Variants in DNMBP observed in about 807,000 individuals in gnomAD.
The protein encoded by DNMBP is dynamin-binding protein.
Under a neutral mutation model 150.0 loss-of-function variants are expected in DNMBP, and 87 were observed. The ratio of observed to expected loss-of-function variants is 0.58; its 90% CI spans 0.49 to 0.69. DNMBP has a LOEUF of 0.69. Among genes scored for constraint, DNMBP ranks in the 30% least tolerant of loss-of-function variants. The pLI is 0.00. For missense variants in DNMBP, 1,774 were observed against 1,949.0 expected, an observed-to-expected ratio of 0.91 and a Z score of 1.69; for synonymous variants, 711 against 750.4, an observed-to-expected ratio of 0.95 and a Z score of 0.86.
chr10:99,900,035 A>T lies in DNMBP; in HGVS notation c.2586T>A (p.Leu862=). 1 of 1,614,106 alleles carries T rather than the reference A, an allele frequency of 6.2e-7. No homozygotes were observed. The highest frequency in any genetic ancestry group is 1.6e-4 in the Middle Eastern group (1 of 6,062). The change falls in exon 7 of 17, where the codon CTT becomes CTA. Residue 862 remains leucine (L), a synonymous_variant. Coordinates refer to ENST00000324109, the MANE Select transcript of DNMBP (RefSeq NM_015221.4). Reference sequence around the variant, plus strand: ...GGCAGTAAATCTTGTATGTTCCCTCAAGCTCATCCCGGTGACCAAGAAACA... The same window carrying T: ...GGCAGTAAATCTTGTATGTTCCCTCTAGCTCATCCCGGTGACCAAGAAACA... The part of the protein sequence containing the change: ...GPVFLGHRDE[L]EGTYKIYCQN...
Position 99,903,104 on chromosome 10 carries a change from T to C in DNMBP, c.2555-3038A>G, listed in dbSNP as rs1211544478. The stretch of plus-strand genomic sequence containing the variant: ...TATGTGCTACCACACCTGGGCAATT[T>C]TTTTTTTTTTTTTTTTTGTAGAAAC... On this transcript the variant is annotated intron_variant, in intron 6 of 16. Coordinates refer to ENST00000324109, the MANE Select transcript of DNMBP (RefSeq NM_015221.4). Among the ~76,000 whole-genome samples the C allele has an allele frequency of 4.1e-5, 6 of 146,208 alleles. No individual in the cohort carries two copies. The East Asian group carries it at 1.0e-3, about 24-fold the overall frequency.
chr10:99,893,754 G>T (rs1004465585), intron 11 of DNMBP, among the ~76,000 whole-genome samples: 27 of 152,190 alleles, frequency 1.8e-4, no homozygotes, highest in Admixed American at 9.8e-4. Flanking sequence ...GCCTCTGTGT[G>T]TATGGCTACA....
chr10:99,965,395 C>A (rs562046586), intron 3 of DNMBP, among the ~76,000 whole-genome samples: 21 of 152,082 alleles, frequency 1.4e-4, no homozygotes, highest in Admixed American at 7.2e-4. Flanking sequence ...TATATTTTTT[C>A]TCTTATTAAT....
At chr10:99,880,617 A>G (rs2039352329) in intron 15 of DNMBP, among the ~76,000 whole-genome samples, 1 of 152,228 alleles carries the variant, frequency 6.6e-6, no homozygotes, top group African/African-American at 2.4e-5. Flanking sequence ...CGGTTCATTC[A>G]TGTTCACAAC....
intron 4 of DNMBP, 45 bp from the exon 5 acceptor site, chr10:99,909,191 C>T: frequency 6.6e-7 from 1 of 1,507,482 alleles, no homozygotes. Context: ...GGTGTAAAAG[C>T]AGCACCCTTC....
At chr10:99,959,854 CAA>C (rs752932115) in intron 3 of DNMBP, among the ~76,000 whole-genome samples, 2 of 77,546 alleles carry the variant, frequency 2.6e-5, no homozygotes, top group African/African-American at 9.6e-5. Flanking sequence ...GACCGTGTCT[CAA>C]AAAAAAAAAA....
chr10:100,008,516 T>A (rs528156171), intron 1 of DNMBP, among the ~76,000 whole-genome samples: 3 of 152,340 alleles, frequency 2.0e-5, no homozygotes, highest in Non-Finnish European at 2.9e-5. Context: ...CACTTTTCAC[T>A]TATTTTAGCC....
Position 99,877,157 on chromosome 10 carries a change from G to A in DNMBP, c.4728C>T (p.Tyr1576=). The change falls in exon 17 of 17, where the codon TAC becomes TAT. Residue 1576 remains tyrosine (Y), a synonymous_variant. Coordinates refer to ENST00000324109, the MANE Select transcript of DNMBP (RefSeq NM_015221.4). ...GGTGGCAGGCAACGTGGGCTCAGGTGTACTCGGTTTTGCGGATATAATTGG... is the reference window on the plus strand; with the variant it reads ...GGTGGCAGGCAACGTGGGCTCAGGTATACTCGGTTTTGCGGATATAATTGG... ...VPSNYIRKTE[Y]T is the part of the protein sequence containing the mutation. The A allele has an allele frequency of 6.2e-7, 1 of 1,609,626 alleles. No individual in the cohort carries two copies. Among genetic ancestry groups the A allele is most frequent in the Non-Finnish European group, 8.5e-7 (1 of 1,178,124 alleles).
intron 6 of DNMBP, among the ~76,000 whole-genome samples, chr10:99,907,188 G>A (rs1372039854): frequency 1.3e-5 from 2 of 151,864 alleles, no homozygotes; most frequent in Non-Finnish European, 1.5e-5. Flanking sequence ...TTAGCTGGGC[G>A]TGGTGGCACA....
intron 4 of DNMBP, among the ~76,000 whole-genome samples, chr10:99,934,188 C>G (rs2805493): frequency 2.0e-4 from 31 of 152,168 alleles, no homozygotes; most frequent in Middle Eastern, 6.8e-3. Context: ...CTCTCTAAGT[C>G]TAAAATCTTA....
intron 4 of DNMBP, among the ~76,000 whole-genome samples, chr10:99,936,262 C>A: frequency 6.6e-6 from 1 of 152,016 alleles, no homozygotes; most frequent in Non-Finnish European, 1.5e-5. Context: ...TGCTCTTATC[C>A]TTTCTTTACC....
chr10:99,895,044 CTT>C lies in DNMBP; in HGVS notation c.3056_3057del (p.Lys1019ArgfsTer2). The C allele has an allele frequency of 1.3e-6, 2 of 1,592,380 alleles. No homozygotes were observed. The highest frequency in any genetic ancestry group is 8.6e-7 in the Non-Finnish European group (1 of 1,164,148). On this transcript the variant is annotated frameshift_variant, in exon 11 of 17. Transcript: ENST00000324109. LOFTEE classifies it high-confidence loss of function. ...TTTTCTGTTTCTTCAAATACTTCAT[CTT>C]TTATCTGTTCAAAAATAAACAAGTG... is the stretch of plus-strand genomic sequence containing the variant. ...KHLTGFAPQI[K>X]DEVFEETEKN...
chr10:99,978,714 G>A (rs1039215696), intron 1 of DNMBP, among the ~76,000 whole-genome samples: 3 of 151,956 alleles, frequency 2.0e-5, no homozygotes, highest in Admixed American at 6.6e-5. Flanking sequence ...GAATATCTGC[G>A]ATCACAGGTG....
At chr10:99,989,797 ACCCCCTCTTCTATTAAACTGCTATG>A (rs2133375536) in intron 1 of DNMBP, among the ~76,000 whole-genome samples, 1 of 53,232 alleles carries the variant, frequency 1.9e-5, no homozygotes, top group South Asian at 4.7e-4. Flanking sequence ...ACTGCTATGT[ACCCCCTCTTCTATTAAACTGCTATG>A]TACCCCCTCT....
intron 5 of DNMBP, 93 bp downstream of exon 5, chr10:99,908,860 C>T: frequency 3.4e-6 from 4 of 1,187,968 alleles, no homozygotes; most frequent in Non-Finnish European, 4.8e-6. Context: ...ATTTCAAATC[C>T]AATAAATCTG....
At chr10:99,919,541 C>T (rs148362110) in intron 4 of DNMBP, among the ~76,000 whole-genome samples, 11 of 152,312 alleles carry the variant, frequency 7.2e-5, no homozygotes, top group African/African-American at 2.6e-4. Context: ...GCCTGTAATC[C>T]CAGCACTTTG....
chr10:99,985,711 C>T (rs767458369), intron 1 of DNMBP, among the ~76,000 whole-genome samples: 10 of 152,184 alleles, frequency 6.6e-5, no homozygotes, highest in Non-Finnish European at 1.5e-4. Flanking sequence ...CTTGACAATA[C>T]AAGAGCTCAT....
At chr10:99,982,943 GCA>G (rs2040794111) in intron 1 of DNMBP, among the ~76,000 whole-genome samples, 1 of 151,602 alleles carries the variant, frequency 6.6e-6, no homozygotes. Context: ...TCCAGCCTGT[GCA>G]ACAGAGCGAG....
At chr10:99,905,148 A>C (rs2039806774) in intron 6 of DNMBP, among the ~76,000 whole-genome samples, 1 of 152,220 alleles carries the variant, frequency 6.6e-6, no homozygotes, top group Non-Finnish European at 1.5e-5. Flanking sequence ...TTTATGCTTC[A>C]CCATCACACT....
Sources: allele counts gnomAD v4.1 joint callset (sites outside exome capture counted in the v4.1 genomes callset), GRCh38; gene constraint gnomAD v4.1.1; transcripts MANE v1.5; gene names NCBI Gene and HGNC (gene_info 2026-07-23, HGNC 2026-07-21).